DNAH8: variants seen among roughly 807,000 people sequenced by gnomAD.
DNAH8 encodes the protein dynein axonemal heavy chain 8.
A neutral mutation model predicts 562.1 loss-of-function variants in DNAH8; 382 were observed. The observed-to-expected ratio is 0.68, with a 90% CI of 0.63 to 0.74. The LOEUF is 0.74. Among genes scored for constraint, DNAH8 ranks in the 30% least tolerant of loss-of-function variants. The probability of loss-of-function intolerance (pLI) is 0.00; values close to 1 mark genes in which losing one functional copy is unlikely to be tolerated. For synonymous variants in DNAH8, 1,881 were observed against 1,919.4 expected, an observed-to-expected ratio of 0.98 and a Z score of 0.52; for missense variants, 5,203 against 5,620.4, an observed-to-expected ratio of 0.93 and a Z score of 2.37.
intron 77 of DNAH8, chr6:38,936,400 A>G (rs906341098): frequency 1.8e-4 from 27 of 152,270 alleles, no homozygotes; most frequent in African/African-American, 6.0e-4. Flanking sequence ...TCTCTGCAAT[A>G]TATAAAAAGA....
At chr6:38,908,843 G>A (rs1296205439) in intron 64 of DNAH8, among the ~76,000 whole-genome samples, 2 of 152,164 alleles carry the variant, frequency 1.3e-5, no homozygotes, top group South Asian at 2.1e-4. Flanking sequence ...ATGAGCTACC[G>A]TGCCTGGCTT....
chr6:38,947,679 GC>G (rs1026218825), intron 80 of DNAH8, among the ~76,000 whole-genome samples: 1 of 152,144 alleles, frequency 6.6e-6, no homozygotes, highest in Non-Finnish European at 1.5e-5. Context: ...TTTGAGGGCA[GC>G]CAACCAGAGA....
chr6:38,799,734 CT>C (rs34134917), intron 21 of DNAH8, among the ~76,000 whole-genome samples: 51,035 of 151,842 alleles, frequency 0.34, 9,227 homozygotes, highest in Admixed American at 0.41. Flanking sequence ...CCAAAAGAAA[CT>C]TCGTCCTCAT....
intron 4 of DNAH8, among the ~76,000 whole-genome samples, chr6:38,732,742 A>G (rs928001784): frequency 3.9e-5 from 6 of 152,062 alleles, no homozygotes; most frequent in African/African-American, 1.4e-4. Flanking sequence ...TAATTAGTCT[A>G]GTTCTTACAT....
chr6:38,877,060 G>T (rs938498926), intron 53 of DNAH8, among the ~76,000 whole-genome samples: 37 of 151,788 alleles, frequency 2.4e-4, no homozygotes, highest in African/African-American at 8.8e-4. Context: ...CACTCCCTTA[G>T]AATCCAGAGC....
Position 38,929,660 on chromosome 6 carries a change from TTTCAAGGTGAGCTTTGTAAAAAAAAAA to T in DNAH8, c.11269_11274+21del. On this transcript the variant is annotated splice_donor_variant and splice_donor_5th_base_variant and coding_sequence_variant and intron_variant, in exon 75 of 93. Coordinates refer to ENST00000327475, the MANE Select transcript of DNAH8 (RefSeq NM_001206927.2). LOFTEE classifies it high-confidence loss of function. The stretch of plus-strand genomic sequence containing the variant: ...AGAATTTTATTAAATCTGGCACCAC[TTTCAAGGTGAGCTTTGTAAAAAAAAAA>T]AAAAAGAAAGAAAGAAAGAAAAGAA... The T allele has an allele frequency of 6.6e-7, 1 of 1,512,906 alleles. No individual in the cohort carries two copies. Among genetic ancestry groups the T allele is most frequent in the Non-Finnish European group, 8.8e-7 (1 of 1,135,604 alleles). 93.7% of individuals were successfully genotyped at this position (1,512,906 alleles called of 1,614,324 possible). A position where few individuals can be genotyped will look rare whatever the true frequency, so the allele number is the denominator to read the frequency against.
intron 11 of DNAH8, among the ~76,000 whole-genome samples, chr6:38,769,523 C>G (rs1016906495): frequency 2.0e-5 from 3 of 152,122 alleles, no homozygotes; most frequent in Non-Finnish European, 2.9e-5. Flanking sequence ...TATAGGAGAG[C>G]TAGTTAAAAA....
rs149674411 is a variant in DNAH8 at position 39,018,468 on chromosome 6, T to A, written c.13714+5831T>A. Among the ~76,000 whole-genome samples, 676 of 152,300 alleles carry A rather than the reference T, an allele frequency of 4.4e-3. 3 individuals carry two copies. The highest frequency in any genetic ancestry group is 9.5e-3 in the Admixed American group (146 of 15,302). On this transcript the variant is annotated intron_variant, in intron 91 of 92. Transcript: ENST00000327475. Reference sequence around the variant, plus strand: ...CCTCAGAGCTCACTTTGTGTGCTCTTCTCGGCAACTTCTGTCCTTGGCCTC... The same window carrying A: ...CCTCAGAGCTCACTTTGTGTGCTCTACTCGGCAACTTCTGTCCTTGGCCTC...
intron 79 of DNAH8, among the ~76,000 whole-genome samples, chr6:38,942,012 A>G (rs1583417765): frequency 6.6e-6 from 1 of 151,978 alleles, no homozygotes; most frequent in Non-Finnish European, 1.5e-5. Context: ...GGCCTGAGGG[A>G]GCTCACTCCC....
chr6:38,996,190 G>A (rs918586467), intron 88 of DNAH8, among the ~76,000 whole-genome samples: 1 of 151,916 alleles, frequency 6.6e-6, no homozygotes, highest in African/African-American at 2.4e-5. Flanking sequence ...GGTCCAGGTA[G>A]CAGTGTGATC....
chr6:38,924,987 T>A (rs1782000327), intron 73 of DNAH8: 1 of 152,262 alleles, frequency 6.6e-6, no homozygotes. Flanking sequence ...ATAAATGCTT[T>A]CCAGGCAATT....
chr6:38,851,510 A>C (rs1709053985), intron 38 of DNAH8, 62 bp from the exon 39 acceptor site: 2 of 1,016,802 alleles, frequency 2.0e-6, no homozygotes, highest in Admixed American at 4.8e-5. Context: ...GTCTTGACTA[A>C]AAAAATAATA....
chr6:38,998,499 A>G (rs1015233625), intron 88 of DNAH8, among the ~76,000 whole-genome samples: 5 of 152,166 alleles, frequency 3.3e-5, no homozygotes, highest in African/African-American at 1.2e-4. Flanking sequence ...CTTTATATTC[A>G]TTTCAATGCA....
intron 8 of DNAH8, among the ~76,000 whole-genome samples, chr6:38,747,716 C>T (rs1765080717): frequency 6.6e-6 from 1 of 152,184 alleles, no homozygotes; most frequent in African/African-American, 2.4e-5. Context: ...ATCATCATAA[C>T]TTTTGTACAT....
rs557607152 is a variant in DNAH8 at position 38,964,500 on chromosome 6, C to T, written c.12452-7092C>T. On this transcript the variant is annotated intron_variant, in intron 82 of 92. Transcript: ENST00000327475. ...TGAATTTTAAAAAAATGTTTGAATG[C>T]TGTATCCAAACTATTCTCCATGTAT... Among the ~76,000 whole-genome samples, 15 of 150,924 alleles carry T rather than the reference C, an allele frequency of 9.9e-5. No individual in the cohort carries two copies. The South Asian group carries it at 2.1e-3, about 21-fold the overall frequency.
intron 91 of DNAH8, among the ~76,000 whole-genome samples, chr6:39,023,476 GA>G (rs1262456349): frequency 6.6e-6 from 1 of 152,202 alleles, no homozygotes. Context: ...CTGGGCGACA[GA>G]GCGAGACACC....
intron 1 of DNAH8, among the ~76,000 whole-genome samples, chr6:38,717,792 T>C (rs1404219562): frequency 6.6e-5 from 10 of 152,142 alleles, no homozygotes; most frequent in African/African-American, 2.2e-4. Flanking sequence ...TTATCAAATC[T>C]AAACTATTAC....
intron 91 of DNAH8, among the ~76,000 whole-genome samples, chr6:39,014,218 A>G (rs890456540): frequency 6.6e-6 from 1 of 152,190 alleles, no homozygotes; most frequent in Non-Finnish European, 1.5e-5. Flanking sequence ...TTAGAGTTGT[A>G]AAGGGCAGCC....
chr6:38,980,157 T>C (rs1488764273), intron 85 of DNAH8, among the ~76,000 whole-genome samples: 1 of 152,176 alleles, frequency 6.6e-6, no homozygotes, highest in Non-Finnish European at 1.5e-5. Flanking sequence ...GAGAAAGGGT[T>C]CCTTTTGCCC....
Sources: allele counts gnomAD v4.1 joint callset (sites outside exome capture counted in the v4.1 genomes callset), GRCh38; gene constraint gnomAD v4.1.1; transcripts MANE v1.5; gene names NCBI Gene and HGNC (gene_info 2026-07-23, HGNC 2026-07-21).